The following WDFY3 variants were observed in gnomAD, a reference collection of about 807,000 sequenced individuals.
WDFY3 encodes the protein WD repeat and FYVE domain containing 3.
A neutral mutation model predicts 409.6 loss-of-function variants in WDFY3; 66 were observed. The observed-to-expected ratio is 0.16, with a 90% confidence interval of 0.13 to 0.20. The LOEUF is 0.20. Ranked by LOEUF, WDFY3 falls within the 10% of genes least tolerant of loss-of-function variation. The pLI, the probability that WDFY3 is intolerant of heterozygous loss-of-function variation, is 1.00. For synonymous variants in WDFY3, 1,521 were observed against 1,537.1 expected, an observed-to-expected ratio of 0.99 and a Z score of 0.25; for missense variants, 3,031 against 4,298.1, an observed-to-expected ratio of 0.71 and a Z score of 8.24.
At chr4:84,793,892 T>C (rs1748933631) in intron 21 of WDFY3, among the ~76,000 whole-genome samples, 3 of 152,256 alleles carry the variant, frequency 2.0e-5, no homozygotes, top group Middle Eastern at 3.4e-3. Flanking sequence ...AGAACAAAAT[T>C]AGATGACCAA....
At chr4:84,727,593 T>G (rs1735873765) in intron 44 of WDFY3, among the ~76,000 whole-genome samples, 1 of 152,178 alleles carries the variant, frequency 6.6e-6, no homozygotes, top group Non-Finnish European at 1.5e-5. Flanking sequence ...TCCTGGTTAA[T>G]AAGAAGGCAA....
In WDFY3 at chr4:84,714,271, G is replaced by A. The variant is rs561448954; in HGVS notation, c.7961+1027C>T. 2.3e-3 allele frequency among the ~76,000 whole-genome samples: 353 copies of A among 152,078 alleles called. 2 individuals carry two copies. The highest frequency in any genetic ancestry group is 8.0e-3 in the African/African-American group (331 of 41,460). On this transcript the variant is annotated intron_variant, in intron 50 of 67. Transcript: ENST00000295888. ...ATTACAGGCATGTGCCACCATGCCC[G>A]GCTAATTATTTTCTTTTTTATAGAG...
chr4:84,950,802 T>C (rs1773512726), intron 1 of WDFY3, among the ~76,000 whole-genome samples: 1 of 152,014 alleles, frequency 6.6e-6, no homozygotes, highest in Admixed American at 6.6e-5. Flanking sequence ...AAAAGAAAAA[T>C]AGTTTCAGCA....
intron 56 of WDFY3, among the ~76,000 whole-genome samples, 173 bp downstream of exon 56, chr4:84,702,180 G>A (rs1208039625): frequency 1.3e-5 from 2 of 152,082 alleles, no homozygotes; most frequent in African/African-American, 2.4e-5. Flanking sequence ...GCTAATTTTT[G>A]TAACGACAAA....
At chr4:84,704,831 C>A (rs1731651634) in intron 54 of WDFY3, among the ~76,000 whole-genome samples, 1 of 152,106 alleles carries the variant, frequency 6.6e-6, no homozygotes, top group African/African-American at 2.4e-5. Flanking sequence ...ATGTTAAGCA[C>A]TTTTATGTAT....
At chr4:84,883,192 T>C (rs1022684160) in intron 3 of WDFY3, among the ~76,000 whole-genome samples, 1 of 152,184 alleles carries the variant, frequency 6.6e-6, no homozygotes. Flanking sequence ...ATTACTATCA[T>C]TAGACATGTC....
intron 2 of WDFY3, among the ~76,000 whole-genome samples, chr4:84,905,256 A>C (rs1766888502): frequency 6.6e-6 from 1 of 152,190 alleles, no homozygotes; most frequent in Non-Finnish European, 1.5e-5. Flanking sequence ...GAATAGCTTG[A>C]ACTCGGGAGG....
At chr4:84,936,430 A>T (rs1457700423) in intron 1 of WDFY3, among the ~76,000 whole-genome samples, 1 of 152,100 alleles carries the variant, frequency 6.6e-6, no homozygotes, top group Non-Finnish European at 1.5e-5. Context: ...CTGAGGCAGG[A>T]GGATCACTTA....
At position 84,765,924 on chromosome 4, in the gene WDFY3, C is replaced by T. The variant is rs756640673; in HGVS notation, c.5074G>A (p.Val1692Ile). 1.9e-6 allele frequency: 3 copies of T among 1,613,846 alleles called. No individual in the cohort carries two copies. Among genetic ancestry groups the T allele is most frequent in the Non-Finnish European group, 2.5e-6 (3 of 1,179,960 alleles). ...TTVTAAMRIL[V>I]VLLSNQSILI... The stretch of plus-strand genomic sequence containing the variant: ...ATAGACTGATTACTTAGTAGGACAA[C>T]AAGAATCCTCATGGCTGCTGTAACT... Residue 1692 changes from valine to isoleucine, a missense_variant, in exon 32 of 68, where the codon GTT becomes ATT. This residue lies in a region of WDFY3 where 342 missense variants were observed against 463.7 expected (regional missense o/e 0.74). Transcript: ENST00000295888.
At chr4:84,795,044 T>C in intron 19 of WDFY3, 65 bp from the exon 20 acceptor site, 1 of 919,812 alleles carries the variant, frequency 1.1e-6, no homozygotes, top group Non-Finnish European at 1.5e-6. Context: ...ACTGTGCACT[T>C]ACCACAGTGA....
At chr4:84,894,302 T>C (rs1023367859) in intron 3 of WDFY3, among the ~76,000 whole-genome samples, 2 of 152,240 alleles carry the variant, frequency 1.3e-5, no homozygotes, top group Non-Finnish European at 2.9e-5. Flanking sequence ...CAAATTGTCA[T>C]GTACTTATGT....
At position 84,672,579 on chromosome 4, in the gene WDFY3, A is replaced by G; in HGVS notation, c.*289T>C. 1 of 230,968 alleles carries G rather than the reference A, an allele frequency of 4.3e-6. No individual in the cohort carries two copies. The highest frequency in any genetic ancestry group is 8.4e-6 in the Non-Finnish European group (1 of 119,644). The allele number at this position is 230,968 out of a possible 1,614,324, so 14.3% of individuals were successfully genotyped here. On this transcript the variant is annotated 3_prime_UTR_variant, in exon 68 of 68. Transcript: ENST00000295888. ...TGCAAGAAAAGAGAGTTAATAAGTG[A>G]GGATTTTTCTCTTGGAGACAGCTAC... is the stretch of plus-strand genomic sequence containing the variant.
chr4:84,816,714 C>A (rs959341067), intron 13 of WDFY3, among the ~76,000 whole-genome samples: 1 of 151,972 alleles, frequency 6.6e-6, no homozygotes, highest in Non-Finnish European at 1.5e-5. Context: ...TCTTACATAT[C>A]ATTTCTTATA....
chr4:84,787,865 C>G (rs566642130), intron 22 of WDFY3, 152 bp from the exon 23 acceptor site: 2 of 684,168 alleles, frequency 2.9e-6, no homozygotes, highest in Non-Finnish European at 4.9e-6. Flanking sequence ...GGGCAAGGCA[C>G]GATACTGGGA....
intron 62 of WDFY3, among the ~76,000 whole-genome samples, chr4:84,684,414 C>T (rs144455378): frequency 1.7e-3 from 259 of 152,246 alleles, no homozygotes; most frequent in African/African-American, 5.5e-3. Flanking sequence ...CAAGGTCTGG[C>T]GACACAAGAA....
chr4:84,951,982 G>A (rs1218812033), intron 1 of WDFY3, among the ~76,000 whole-genome samples: 2 of 152,130 alleles, frequency 1.3e-5, no homozygotes, highest in Admixed American at 1.3e-4. Flanking sequence ...AATCCACAGA[G>A]AAAGAAAAAT....
chr4:84,786,291 C>T, intron 23 of WDFY3, 152 bp from the exon 24 acceptor site: 1 of 726,574 alleles, frequency 1.4e-6, no homozygotes, highest in Non-Finnish European at 2.1e-6. Flanking sequence ...CTCAGCTCTT[C>T]ATTTATTTCT....
At chr4:84,781,855 C>T (rs1318328228) in intron 25 of WDFY3, among the ~76,000 whole-genome samples, 1 of 152,052 alleles carries the variant, frequency 6.6e-6, no homozygotes, top group African/African-American at 2.4e-5. Context: ...TTTACCAATG[C>T]TGTATTATCA....
chr4:84,696,973 T>C (rs1174248477), intron 56 of WDFY3, 150 bp from the exon 57 acceptor site: 3 of 638,152 alleles, frequency 4.7e-6, no homozygotes, highest in Non-Finnish European at 8.0e-6. Context: ...TTATCAACTC[T>C]AGCATCCCTC....
Sources: allele counts gnomAD v4.1 joint callset (sites outside exome capture counted in the v4.1 genomes callset), GRCh38; gene constraint gnomAD v4.1.1; regional missense constraint gnomAD v4.1.1; transcripts MANE v1.5; gene names NCBI Gene and HGNC (gene_info 2026-07-23, HGNC 2026-07-21).